The following KCNQ3 variants were observed in gnomAD, a reference collection of about 807,000 sequenced individuals.
KCNQ3 encodes the protein potassium voltage-gated channel subfamily Q member 3, also known as potassium voltage-gated channel subfamily KQT member 3.
A neutral mutation model predicts 92.5 loss-of-function variants in KCNQ3; 30 were observed. That is an observed-to-expected ratio of 0.32 (90% CI 0.24 to 0.44). The LOEUF is 0.44. Among genes scored for constraint, KCNQ3 ranks in the 20% least tolerant of loss-of-function variants. The pLI is 1.00. For synonymous variants in KCNQ3, 450 were observed against 468.8 expected, an observed-to-expected ratio of 0.96 and a Z score of 0.52; for missense variants, 913 against 1,140.3, an observed-to-expected ratio of 0.80 and a Z score of 2.87.
intron 1 of KCNQ3, among the ~76,000 whole-genome samples, chr8:132,400,752 C>T (rs1032659205): frequency 1.3e-5 from 2 of 152,262 alleles, no homozygotes; most frequent in Admixed American, 1.3e-4. Flanking sequence ...TGGTGAGGCC[C>T]TCCAGCAGTC....
At chr8:132,311,479 C>T (rs1817591224) in intron 1 of KCNQ3, among the ~76,000 whole-genome samples, 1 of 152,182 alleles carries the variant, frequency 6.6e-6, no homozygotes, top group African/African-American at 2.4e-5. Flanking sequence ...TTAGCAGCTC[C>T]CTGTCCTGTG....
intron 1 of KCNQ3, among the ~76,000 whole-genome samples, chr8:132,238,334 G>C (rs1440871802): frequency 2.0e-5 from 3 of 152,086 alleles, no homozygotes; most frequent in Non-Finnish European, 4.4e-5. Flanking sequence ...TAAAAACTCT[G>C]CTCTATACAG....
intron 1 of KCNQ3, among the ~76,000 whole-genome samples, chr8:132,239,567 C>T (rs371661180): frequency 7.3e-4 from 111 of 152,340 alleles, no homozygotes; most frequent in Middle Eastern, 6.8e-3. Context: ...TTGAAACCAA[C>T]AGACTGCAAA....
rs144419231 is a variant in KCNQ3 at position 132,137,170 on chromosome 8, C to G, written c.1700+715G>C. On this transcript the variant is annotated intron_variant, in intron 12 of 14. Transcript: ENST00000388996. ...ATAGGCATGAGCCACTGTGCCCAAC[C>G]AATGACTGCATAACATTTTAATGAG... is the stretch of plus-strand genomic sequence containing the variant. Among the ~76,000 whole-genome samples, 743 of 152,234 alleles carry G rather than the reference C, an allele frequency of 4.9e-3. 3 individuals carry two copies. The highest frequency in any genetic ancestry group is 0.017 in the African/African-American group (705 of 41,538).
chr8:132,305,793 G>A (rs770466679), intron 1 of KCNQ3, among the ~76,000 whole-genome samples: 4 of 152,048 alleles, frequency 2.6e-5, no homozygotes, highest in African/African-American at 7.2e-5. Flanking sequence ...AGCTTCTGCC[G>A]CTTCAATATT....
chr8:132,366,704 CA>C (rs1048785189), intron 1 of KCNQ3, among the ~76,000 whole-genome samples: 1 of 152,156 alleles, frequency 6.6e-6, no homozygotes, highest in African/African-American at 2.4e-5. Flanking sequence ...AATGCCTTTT[CA>C]GCATCTATCA....
At chr8:132,165,412 G>T (rs551090750) in intron 8 of KCNQ3, among the ~76,000 whole-genome samples, 1 of 152,232 alleles carries the variant, frequency 6.6e-6, no homozygotes, top group East Asian at 1.9e-4. Context: ...ATGAATAAAA[G>T]GGTTTTAACA....
chr8:132,287,492 A>C (rs1211109842), intron 1 of KCNQ3, among the ~76,000 whole-genome samples: 1 of 152,240 alleles, frequency 6.6e-6, no homozygotes, highest in Non-Finnish European at 1.5e-5. Flanking sequence ...TACTATTGGC[A>C]ATAGCCAAAA....
chr8:132,453,969 G>C (rs923322192), intron 1 of KCNQ3, among the ~76,000 whole-genome samples: 1 of 152,138 alleles, frequency 6.6e-6, no homozygotes, highest in African/African-American at 2.4e-5. Context: ...AACTCAGCTC[G>C]GACACTGCAA....
At chr8:132,325,304 G>T (rs751886944) in intron 1 of KCNQ3, among the ~76,000 whole-genome samples, 1 of 152,136 alleles carries the variant, frequency 6.6e-6, no homozygotes, top group Non-Finnish European at 1.5e-5. Flanking sequence ...AGAGAGCTGG[G>T]TTCCGTCCAG....
At chr8:132,302,124 G>C (rs1204104465) in intron 1 of KCNQ3, among the ~76,000 whole-genome samples, 1 of 152,172 alleles carries the variant, frequency 6.6e-6, no homozygotes, top group East Asian at 1.9e-4. Context: ...TATACCAAGT[G>C]GGGACGAGGA....
chr8:132,345,312 G>A (rs1269862282), intron 1 of KCNQ3, among the ~76,000 whole-genome samples: 1 of 152,186 alleles, frequency 6.6e-6, no homozygotes, highest in Non-Finnish European at 1.5e-5. Flanking sequence ...AAAGTGCAAT[G>A]AAGGTGAAAT....
intron 1 of KCNQ3, among the ~76,000 whole-genome samples, chr8:132,373,134 C>T (rs981249054): frequency 2.0e-5 from 3 of 152,064 alleles, no homozygotes; most frequent in Non-Finnish European, 1.5e-5. Flanking sequence ...CAGGGGGCTC[C>T]TCTTAAGGCA....
At position 132,129,571 on chromosome 8, in the gene KCNQ3, G is replaced by A; in HGVS notation, c.2310C>T (p.Tyr770=). ...TCTGCCGGGGGGAGATTCGGTCCGA[G>A]TAGGGGCCCTGCAGGTCAGCCTGGG... ...CHSQADLQGP[Y]SDRISPRQRR... is the part of the protein sequence containing the mutation. The change falls in exon 15 of 15, where the codon TAC becomes TAT. Residue 770 remains tyrosine, a synonymous_variant. Coordinates refer to ENST00000388996, the MANE Select transcript of KCNQ3 (RefSeq NM_004519.4). The surrounding 1 kb of genome is among the most constrained non-coding windows in gnomAD (Gnocchi z 5.9). 1 of 1,614,222 alleles carries A rather than the reference G, an allele frequency of 6.2e-7. No homozygotes were observed. Among genetic ancestry groups the A allele is most frequent in the Non-Finnish European group, 8.5e-7 (1 of 1,180,036 alleles).
At chr8:132,312,347 T>C (rs1380432144) in intron 1 of KCNQ3, among the ~76,000 whole-genome samples, 1 of 152,238 alleles carries the variant, frequency 6.6e-6, no homozygotes. Context: ...CAGCAGATAC[T>C]GTTTTCAGTC....
chr8:132,193,265 A>G (rs1827212422), intron 1 of KCNQ3, among the ~76,000 whole-genome samples: 1 of 152,090 alleles, frequency 6.6e-6, no homozygotes, highest in Non-Finnish European at 1.5e-5. Flanking sequence ...CATCACCTCC[A>G]TGCTTCCACC....
At position 132,292,871 on chromosome 8, in the gene KCNQ3, C is replaced by A. The variant is rs184726560; in HGVS notation, c.387-106690G>T. ...AGAAGACCCTAATCCAGAGAGATTC[C>A]TGCCCCATACCTAGAGGAAGGAATG... is the stretch of plus-strand genomic sequence containing the variant. On this transcript the variant is annotated intron_variant, in intron 1 of 14. Coordinates refer to ENST00000388996, the MANE Select transcript of KCNQ3 (RefSeq NM_004519.4). Among the ~76,000 whole-genome samples, 18 of 152,286 alleles carry A rather than the reference C, an allele frequency of 1.2e-4. No homozygotes were observed. The East Asian group carries it at 3.5e-3, about 29-fold the overall frequency.
At chr8:132,236,259 A>C (rs1332354215) in intron 1 of KCNQ3, among the ~76,000 whole-genome samples, 1 of 152,214 alleles carries the variant, frequency 6.6e-6, no homozygotes, top group African/African-American at 2.4e-5. Context: ...TAAATCTTCC[A>C]GGGAGTGAAC....
rs779744869 is a variant in KCNQ3, at chr8:132,129,824, T to C, written c.2057A>G (p.Asn686Ser). The C allele has an allele frequency of 5.0e-6, 8 of 1,614,202 alleles. No homozygotes were observed. In the Admixed American group the frequency reaches 1.3e-4, roughly 27 times the overall value. The change falls in exon 15 of 15, where the codon AAC (asparagine) becomes AGC (serine). Residue 686 changes from asparagine (N) to serine (S), a missense_variant. This residue lies in a region of KCNQ3 where 375 missense variants were observed against 376.4 expected (regional missense o/e 1.00). Transcript: ENST00000388996. This position sits in a 1 kb window ranked among gnomAD's most constrained non-coding sequence, Gnocchi z 5.9. The part of the protein sequence containing the change: ...RYSDLKTIIC[N>S]YSETGPPEPP... Reference sequence around the variant, plus strand: ...TTCCGGGGGGCCTGTCTCAGAATAGTTGCAGATGATGGTTTTCAAATCGGA... The same window carrying C: ...TTCCGGGGGGCCTGTCTCAGAATAGCTGCAGATGATGGTTTTCAAATCGGA...
Sources: gnomAD v4.1 joint callset for allele counts (sites outside exome capture counted in the v4.1 genomes callset) on GRCh38, gnomAD v4.1.1 for gene constraint, gnomAD v4.1.1 regional missense constraint, Gnocchi (gnomAD v3.1) non-coding constraint, MANE v1.5 for transcripts, NCBI Gene and HGNC (gene_info 2026-07-23, HGNC 2026-07-21) for gene names.